The following DENND5B variants were observed in gnomAD, a reference collection of about 807,000 sequenced individuals.
DENND5B encodes DENN domain-containing protein 5B.
Under a neutral mutation model 140.6 loss-of-function variants are expected in DENND5B, and 34 were observed. The observed-to-expected ratio is 0.24, with a 90% CI of 0.18 to 0.32. The LOEUF (loss-of-function observed/expected upper bound fraction) is 0.32, where lower values mean the gene tolerates loss of function less well. DENND5B is among the 10% of genes least tolerant of loss of function. DENND5B has a pLI of 1.00. For synonymous variants in DENND5B, 551 were observed against 562.1 expected, an observed-to-expected ratio of 0.98 and a Z score of 0.28; for missense variants, 1,142 against 1,560.2, an observed-to-expected ratio of 0.73 and a Z score of 4.52.
At position 31,424,952 on chromosome 12, in the gene DENND5B, G is replaced by T. The variant is rs1943169914; in HGVS notation, c.2239-265C>A. On this transcript the variant is annotated intron_variant, in intron 9 of 20. Transcript: ENST00000389082. ...TAAGGCATCCCCATGTTGAAAAGAT[G>T]CTTATATACAACAGTTGTCAAATTA... 2.0e-5 allele frequency among the ~76,000 whole-genome samples: 3 copies of T among 152,166 alleles called. No homozygotes were observed. The South Asian group carries it at 6.2e-4, about 31-fold the overall frequency.
At chr12:31,501,885 G>A (rs988178984) in intron 1 of DENND5B, among the ~76,000 whole-genome samples, 3 of 152,080 alleles carry the variant, frequency 2.0e-5, no homozygotes, top group African/African-American at 4.8e-5. Context: ...TACTACGAGA[G>A]GTTAATGATA....
intron 1 of DENND5B, among the ~76,000 whole-genome samples, chr12:31,537,122 G>C (rs1290244940): frequency 6.6e-6 from 1 of 152,150 alleles, no homozygotes; most frequent in Non-Finnish European, 1.5e-5. Context: ...TGAGCATTAA[G>C]AAATTATCTC....
chr12:31,418,282 CT>C (rs66507414), intron 11 of DENND5B, among the ~76,000 whole-genome samples: 30 of 133,026 alleles, frequency 2.3e-4, no homozygotes, highest in Admixed American at 2.5e-4. Flanking sequence ...TTTTTCTTTT[CT>C]TTTTTTTTTT....
chr12:31,586,799 C>T (rs897747461), intron 1 of DENND5B, among the ~76,000 whole-genome samples: 4 of 152,150 alleles, frequency 2.6e-5, no homozygotes, highest in African/African-American at 9.7e-5. Flanking sequence ...TCTAGAGGCA[C>T]GGTGACAACT....
chr12:31,469,035 T>C (rs1006329493), intron 3 of DENND5B, among the ~76,000 whole-genome samples: 2 of 151,918 alleles, frequency 1.3e-5, no homozygotes, highest in African/African-American at 4.8e-5. Context: ...AAAAATTTAT[T>C]CAAGAAAAAA....
chr12:31,559,622 TG>T (rs1949406292), intron 1 of DENND5B, among the ~76,000 whole-genome samples: 1 of 152,192 alleles, frequency 6.6e-6, no homozygotes, highest in Admixed American at 6.5e-5. Context: ...GTAATGGAAA[TG>T]TAAGAATCTG....
chr12:31,563,467 A>C (rs1448378651), intron 1 of DENND5B, among the ~76,000 whole-genome samples: 1 of 152,210 alleles, frequency 6.6e-6, no homozygotes, highest in Admixed American at 6.5e-5. Context: ...TAATGTAAGA[A>C]GATCATACTT....
chr12:31,438,764 CAA>C (rs1416541851), intron 7 of DENND5B, among the ~76,000 whole-genome samples: 1 of 151,932 alleles, frequency 6.6e-6, no homozygotes, highest in East Asian at 1.9e-4. Context: ...CAGTATAACA[CAA>C]AGTTTGCTCA....
chr12:31,445,417 T>C (rs1471903117), intron 6 of DENND5B, among the ~76,000 whole-genome samples: 1 of 152,022 alleles, frequency 6.6e-6, no homozygotes, highest in Non-Finnish European at 1.5e-5. Context: ...AAAATAAGTA[T>C]TCCAGGCCAG....
chr12:31,519,364 G>T (rs1390405010), intron 1 of DENND5B, among the ~76,000 whole-genome samples: 1 of 152,146 alleles, frequency 6.6e-6, no homozygotes, highest in Non-Finnish European at 1.5e-5. Context: ...AAACAGATGT[G>T]CATAATGACA....
rs1186475931 is a variant in DENND5B, at chr12:31,385,657, A to G, written c.*1946T>C. 1 of 152,108 alleles carries G rather than the reference A, an allele frequency of 6.6e-6. No homozygotes were observed. 9.4% of individuals were successfully genotyped at this position (152,108 alleles called of 1,614,324 possible). ...ACAAATTTCTGGTGTACCCAGAACCATTTTCTTAAACCATTTCCATGGGTT... is the reference window on the plus strand; with the variant it reads ...ACAAATTTCTGGTGTACCCAGAACCGTTTTCTTAAACCATTTCCATGGGTT... On this transcript the variant is annotated 3_prime_UTR_variant, in exon 21 of 21. Coordinates refer to ENST00000389082, the MANE Select transcript of DENND5B (RefSeq NM_144973.4).
At chr12:31,581,904 G>A (rs780921914) in intron 1 of DENND5B, among the ~76,000 whole-genome samples, 1 of 152,060 alleles carries the variant, frequency 6.6e-6, no homozygotes, top group East Asian at 1.9e-4. Flanking sequence ...GATAACATAC[G>A]CACATTCTCC....
Position 31,413,509 on chromosome 12 carries a change from T to A in DENND5B, c.2608A>T (p.Ile870Leu), listed in dbSNP as rs1172018497. Residue 870 changes from isoleucine to leucine, a missense_variant, in exon 13 of 21, where the codon ATA (isoleucine) becomes TTA (leucine). Around this residue, in one of 5 missense-constraint regions of DENND5B, gnomAD observed 268 missense variants for 349.2 expected, o/e 0.77. Transcript: ENST00000389082. ...AGCTTCTTTTCTAGAGACAGTCTTA[T>A]CCACGCCCGAGCTCGTCCAACATCA... ...KTDVGRARAWIRLSLEKKLLS... is the reference protein window; with the variant it reads ...KTDVGRARAWLRLSLEKKLLS... The A allele has an allele frequency of 7.4e-6, 12 of 1,613,786 alleles. No individual in the cohort carries two copies. Among genetic ancestry groups the A allele is most frequent in the Non-Finnish European group, 8.5e-6 (10 of 1,179,830 alleles).
chr12:31,494,661 G>A (rs1946689863), intron 2 of DENND5B, among the ~76,000 whole-genome samples: 1 of 152,106 alleles, frequency 6.6e-6, no homozygotes, highest in South Asian at 2.1e-4. Flanking sequence ...GCATAGGAGT[G>A]TAACTTTGTA....
chr12:31,542,459 C>T (rs184332568), intron 1 of DENND5B, among the ~76,000 whole-genome samples: 53 of 151,982 alleles, frequency 3.5e-4, no homozygotes, highest in African/African-American at 1.2e-3. Flanking sequence ...AACAGGGTGA[C>T]TATAGGAAAA....
chr12:31,522,529 T>C (rs954091388), intron 1 of DENND5B, among the ~76,000 whole-genome samples: 14 of 152,160 alleles, frequency 9.2e-5, no homozygotes, highest in African/African-American at 3.4e-4. Context: ...CTGCAACCTC[T>C]GCCTCCTGGG....
Position 31,385,255 on chromosome 12 carries a change from C to T in DENND5B, c.*2348G>A, listed in dbSNP as rs1940800264. ...AGTAAGAATGCCGGAAGGTCAGTCT[C>T]ATGCAGCCTGGTGAAATAAAACAAA... On this transcript the variant is annotated 3_prime_UTR_variant, in exon 21 of 21. Transcript: ENST00000389082. 2 of 152,200 alleles carry T rather than the reference C, an allele frequency of 1.3e-5. No homozygotes were observed. The highest frequency in any genetic ancestry group is 2.9e-5 in the Non-Finnish European group (2 of 68,046). The allele number at this position is 152,200 out of a possible 1,614,324, so 9.4% of individuals were successfully genotyped here.
intron 1 of DENND5B, among the ~76,000 whole-genome samples, chr12:31,577,079 T>C (rs1480568312): frequency 6.6e-6 from 1 of 151,952 alleles, no homozygotes. Flanking sequence ...GAAGAAGGGA[T>C]TAGAGAAAAA....
chr12:31,539,714 A>AC, intron 1 of DENND5B, among the ~76,000 whole-genome samples: 2 of 152,288 alleles, frequency 1.3e-5, no homozygotes, highest in East Asian at 3.9e-4. Context: ...AAAACTTGGT[A>AC]TAGAAGAAAC....
Sources: gnomAD v4.1 joint callset for allele counts (sites outside exome capture counted in the v4.1 genomes callset) on GRCh38, gnomAD v4.1.1 for gene constraint, gnomAD v4.1.1 regional missense constraint, MANE v1.5 for transcripts, NCBI Gene and HGNC (gene_info 2026-07-23, HGNC 2026-07-21) for gene names.